Variants in NUCB2 observed in about 807,000 individuals in gnomAD.
NUCB2 encodes nucleobindin-2.
Under a neutral mutation model 57.9 loss-of-function variants are expected in NUCB2, and 48 were observed. That is an observed-to-expected ratio of 0.83 (90% CI 0.66 to 1.05). NUCB2 has a LOEUF of 1.05. Ranked by LOEUF, NUCB2 falls within the 50% of genes least tolerant of loss-of-function variation. NUCB2 has a pLI of 0.00. For synonymous variants in NUCB2, 139 were observed against 152.1 expected (o/e 0.91, Z 0.64); for missense variants, 442 against 476.2 (o/e 0.93, Z 0.67).
In NUCB2 at chr11:17,331,480, T is replaced by C. The variant is rs1324834132; in HGVS notation, c.*61T>C. ...TAACTCAACATCTATTTCATCTTTT[T>C]AGCTCCCTTCCTTTTTCTCTGCTCA... On this transcript the variant is annotated 3_prime_UTR_variant, in exon 14 of 14. Coordinates refer to ENST00000529010, the MANE Select transcript of NUCB2 (RefSeq NM_005013.4). The C allele has an allele frequency of 1.1e-5, 12 of 1,074,514 alleles. No individual in the cohort carries two copies. Among genetic ancestry groups the C allele is most frequent in the Non-Finnish European group, 1.5e-5 (12 of 776,232 alleles). 66.6% of individuals were successfully genotyped at this position (1,074,514 alleles called of 1,614,324 possible). A position where few individuals can be genotyped will look rare whatever the true frequency, so the allele number is the denominator to read the frequency against.
intron 4 of NUCB2, among the ~76,000 whole-genome samples, chr11:17,296,996 ATAAT>A (rs1238892439): frequency 6.6e-6 from 1 of 152,194 alleles, no homozygotes; most frequent in African/African-American, 2.4e-5. Context: ...CCTATTTGAC[ATAAT>A]TCCAGCCATA....
chr11:17,325,328 T>C (rs762557986), intron 11 of NUCB2, among the ~76,000 whole-genome samples: 1 of 152,250 alleles, frequency 6.6e-6, no homozygotes, highest in Non-Finnish European at 1.5e-5. Context: ...TCTTTGTCTT[T>C]AGCTCTAATA....
intron 2 of NUCB2, among the ~76,000 whole-genome samples, chr11:17,293,523 A>T (rs549196167): frequency 2.8e-3 from 433 of 152,314 alleles, no homozygotes; most frequent in Non-Finnish European, 4.8e-3. Flanking sequence ...TACCAAACTG[A>T]CTCAGCAATT....
intron 11 of NUCB2, among the ~76,000 whole-genome samples, chr11:17,320,133 CACTT>C (rs1268394740): frequency 1.3e-5 from 2 of 152,134 alleles, no homozygotes; most frequent in Non-Finnish European, 2.9e-5. Flanking sequence ...TTTATCTACT[CACTT>C]ACTTTGGGCA....
At chr11:17,338,631 T>C (rs1443172252) in intron 2 of NUCB2, among the ~76,000 whole-genome samples, 1 of 152,180 alleles carries the variant, frequency 6.6e-6, no homozygotes, top group African/African-American at 2.4e-5. Context: ...ACAATTCTTA[T>C]AATTTTGGCT....
exon 3 of NUCB2, chr11:17,349,490 G>C (rs1240974225): frequency 6.6e-6 from 1 of 152,080 alleles, no homozygotes; most frequent in Non-Finnish European, 1.5e-5. Context: ...CATTACATCT[G>C]CTATCCTGCT....
At position 17,288,928 on chromosome 11, in the gene NUCB2, CACACACACACACACACACACACAT is replaced by C. The variant is rs1565376743; in HGVS notation, c.-1+5987_-1+6010del. Among the ~76,000 whole-genome samples, 11 of 89,460 alleles carry C rather than the reference CACACACACACACACACACACACAT, an allele frequency of 1.2e-4. 1 individual carries two copies. The East Asian group carries it at 2.3e-3, about 19-fold the overall frequency. The allele number at this position is 89,460 out of a possible 152,430, so 58.7% of individuals were successfully genotyped here. On this transcript the variant is annotated intron_variant, in intron 2 of 13. Coordinates refer to ENST00000529010, the MANE Select transcript of NUCB2 (RefSeq NM_005013.4). The stretch of plus-strand genomic sequence containing the variant: ...ACACACACACACACACACACACACA[CACACACACACACACACACACACAT>C]ATATATATATATTTTTTTTTTTTGA...
intron 2 of NUCB2, among the ~76,000 whole-genome samples, chr11:17,294,678 T>TA (rs34406631): frequency 0.059 from 6,089 of 102,534 alleles, 221 homozygotes; most frequent in Admixed American, 0.13. Flanking sequence ...CGTGTTGCCT[T>TA]AAAAAAAAAA....
In NUCB2 at chr11:17,310,834, G is replaced by T; in HGVS notation, c.493G>T (p.Asp165Tyr). The T allele has an allele frequency of 6.3e-7, 1 of 1,578,910 alleles. No individual in the cohort carries two copies. The highest frequency in any genetic ancestry group is 1.2e-5 in the South Asian group (1 of 83,656). The change falls in exon 7 of 14, where the codon GAT becomes TAT. Residue 165 changes from aspartate (D) to tyrosine (Y), a missense_variant. Asp to Tyr is a radical substitution (Grantham distance 160). Coordinates refer to ENST00000529010, the MANE Select transcript of NUCB2 (RefSeq NM_005013.4). ...CATTATTGCATTTCAGGCAACAAGT[G>T]ATCTGGAACACTATGACAAGACTCG... The part of the protein sequence containing the change: ...LDMLIKAATS[D>Y]LEHYDKTRHE...
At chr11:17,304,349 C>A (rs1376728134) in intron 5 of NUCB2, among the ~76,000 whole-genome samples, 1 of 151,972 alleles carries the variant, frequency 6.6e-6, no homozygotes, top group Non-Finnish European at 1.5e-5. Flanking sequence ...TGCCTGCCAC[C>A]ACTCCCGGCT....
At position 17,290,280 on chromosome 11, in the gene NUCB2, A is replaced by T. The variant is rs12272752; in HGVS notation, c.1-5044A>T. Among the ~76,000 whole-genome samples the T allele has an allele frequency of 4.6e-3, 703 of 152,366 alleles. 9 individuals are homozygous for T. Among genetic ancestry groups the T allele is most frequent in the African/African-American group, 0.016 (673 of 41,584 alleles). ...TAGCTTAATGTTTATGAAGATATTT[A>T]CAATGACAAGCACCAACAATGCAAA... On this transcript the variant is annotated intron_variant, in intron 2 of 13. Coordinates refer to ENST00000529010, the MANE Select transcript of NUCB2 (RefSeq NM_005013.4).
rs371725543 is a variant in NUCB2 at position 17,292,781 on chromosome 11, G to A, written c.1-2543G>A. Among the ~76,000 whole-genome samples, 105 of 152,258 alleles carry A rather than the reference G, an allele frequency of 6.9e-4. 1 individual carries two copies. In the South Asian group the frequency reaches 0.018, roughly 26 times the overall value. On this transcript the variant is annotated intron_variant, in intron 2 of 13. Transcript: ENST00000529010. ...ACTTCACAGAGTCATTGTAAGAGTT[G>A]ATGCGTTAATATATTTTAAAAGTTT...
intron 4 of NUCB2, among the ~76,000 whole-genome samples, chr11:17,301,054 C>T (rs899159429): frequency 5.2e-4 from 75 of 142,922 alleles, no homozygotes; most frequent in African/African-American, 1.8e-3. Context: ...CGCACTGCAA[C>T]CTCCGCCTCC....
At chr11:17,317,735 G>A in intron 11 of NUCB2, 1 of 180,446 alleles carries the variant, frequency 5.5e-6, no homozygotes, top group South Asian at 1.1e-4. Context: ...ATTTTGTTAA[G>A]GTGGTGTCTA....
At chr11:17,282,631 T>C (rs1287377203) in intron 1 of NUCB2, among the ~76,000 whole-genome samples, 158 bp from the exon 2 acceptor site, 1 of 152,174 alleles carries the variant, frequency 6.6e-6, no homozygotes, top group Admixed American at 6.5e-5. Flanking sequence ...TAATGGAATA[T>C]GATATAATTT....
At chr11:17,328,578 T>G (rs1212761816) in intron 11 of NUCB2, among the ~76,000 whole-genome samples, 2 of 152,200 alleles carry the variant, frequency 1.3e-5, no homozygotes, top group Non-Finnish European at 2.9e-5. Context: ...CCTGTGGCCA[T>G]TACTACCACC....
intron 1 of NUCB2, among the ~76,000 whole-genome samples, chr11:17,282,236 C>CTATCTATATATA (rs370686689): frequency 1.5e-4 from 16 of 104,088 alleles, no homozygotes; most frequent in South Asian, 3.3e-4. Flanking sequence ...ATCTATCTAT[C>CTATCTATATATA]TATATATATA....
intron 11 of NUCB2, among the ~76,000 whole-genome samples, chr11:17,327,735 C>T (rs61226764): frequency 0.024 from 3,684 of 152,194 alleles, 160 homozygotes; most frequent in African/African-American, 0.085. Flanking sequence ...TCAGCGTGTC[C>T]GTTCCATTTT....
chr11:17,322,390 T>C (rs1950141321), intron 11 of NUCB2, among the ~76,000 whole-genome samples: 1 of 152,172 alleles, frequency 6.6e-6, no homozygotes, highest in Admixed American at 6.5e-5. Context: ...TTTTCAAAAA[T>C]GAGTTTACAG....
Sources: gnomAD v4.1 joint callset for allele counts (sites outside exome capture counted in the v4.1 genomes callset) on GRCh38, gnomAD v4.1.1 for gene constraint, MANE v1.5 for transcripts, NCBI Gene and HGNC (gene_info 2026-07-23, HGNC 2026-07-21) for gene names.